ZNF131: variants seen among roughly 807,000 people sequenced by gnomAD.
The protein encoded by ZNF131 is zinc finger protein 131.
A neutral mutation model predicts 60.0 loss-of-function variants in ZNF131; 7 were observed. That is an observed-to-expected ratio of 0.12 (90% CI 0.07 to 0.22). ZNF131 has a LOEUF of 0.22. Ranked by LOEUF, ZNF131 falls within the 10% of genes least tolerant of loss-of-function variation. The pLI is 1.00. For synonymous variants in ZNF131, 257 were observed against 253.2 expected, an observed-to-expected ratio of 1.01 and a Z score of -0.14; for missense variants, 493 against 740.9, an observed-to-expected ratio of 0.67 and a Z score of 3.88.
intron 4 of ZNF131, among the ~76,000 whole-genome samples, chr5:43,159,342 C>T (rs1374701520): frequency 6.6e-6 from 1 of 152,118 alleles, no homozygotes. Flanking sequence ...TGTCTCCCAA[C>T]AGGTGTCGTC....
At chr5:43,147,747 A>C (rs1030749988) in intron 4 of ZNF131, among the ~76,000 whole-genome samples, 2 of 150,650 alleles carry the variant, frequency 1.3e-5, no homozygotes, top group Non-Finnish European at 1.5e-5. Flanking sequence ...AAAAAAAAAA[A>C]CAGTTTGGAA....
intron 4 of ZNF131, among the ~76,000 whole-genome samples, chr5:43,155,735 GGGA>G (rs1212317359): frequency 6.6e-6 from 1 of 152,150 alleles, no homozygotes; most frequent in Admixed American, 6.6e-5. Context: ...TATTTTTGTT[GGGA>G]GGAGGATAGG....
intron 4 of ZNF131, among the ~76,000 whole-genome samples, chr5:43,144,811 A>G (rs1363455916): frequency 6.6e-6 from 1 of 151,924 alleles, no homozygotes; most frequent in African/African-American, 2.4e-5. Context: ...GCCACATAAT[A>G]ACATGATTAT....
At chr5:43,136,063 C>T (rs496570) in intron 3 of ZNF131, among the ~76,000 whole-genome samples, 10,200 of 152,138 alleles carry the variant, frequency 0.067, 405 homozygotes, top group South Asian at 0.13. Context: ...TGCGGTGAGC[C>T]GAGCCTCTGT....
intron 4 of ZNF131, among the ~76,000 whole-genome samples, chr5:43,141,984 T>G (rs1421876058): frequency 6.6e-6 from 1 of 152,022 alleles, no homozygotes; most frequent in Non-Finnish European, 1.5e-5. Flanking sequence ...GTTGACTTTT[T>G]CCCCCATGCA....
At chr5:43,122,277 C>A (rs991459136) in intron 2 of ZNF131, 100 bp downstream of exon 2, 2 of 1,325,894 alleles carry the variant, frequency 1.5e-6, no homozygotes, top group African/African-American at 1.6e-5. Context: ...TTTAACCCAT[C>A]CTCTATGGTC....
At chr5:43,158,820 T>C (rs1749282491) in intron 4 of ZNF131, among the ~76,000 whole-genome samples, 1 of 151,484 alleles carries the variant, frequency 6.6e-6, no homozygotes. Context: ...TGCTCTGTGA[T>C]GCCTCATCCT....
At chr5:43,148,905 T>C (rs1028469990) in intron 4 of ZNF131, among the ~76,000 whole-genome samples, 7 of 152,356 alleles carry the variant, frequency 4.6e-5, no homozygotes, top group Admixed American at 3.3e-4. Flanking sequence ...TCTCTCCCTA[T>C]TCCTATCTTC....
Position 43,138,117 on chromosome 5 carries a change from G to A in ZNF131, c.227-1048G>A, listed in dbSNP as rs1427931957. Reference sequence around the variant, plus strand: ...AGGAAATGGGCAGTTACTAATCAGTGGGCATAAAGTTTCAATTGCGCAAGA... The same window carrying A: ...AGGAAATGGGCAGTTACTAATCAGTAGGCATAAAGTTTCAATTGCGCAAGA... On this transcript the variant is annotated intron_variant, in intron 3 of 6. Transcript: ENST00000682664. 5.3e-5 allele frequency among the ~76,000 whole-genome samples: 8 copies of A among 152,274 alleles called. No individual in the cohort carries two copies. The South Asian group carries it at 1.7e-3, about 32-fold the overall frequency.
chr5:43,129,724 G>A (rs1378953432), intron 3 of ZNF131, among the ~76,000 whole-genome samples: 1 of 151,966 alleles, frequency 6.6e-6, no homozygotes, highest in Admixed American at 6.6e-5. Flanking sequence ...GCACAATCTC[G>A]GCTCACTACA....
In ZNF131 at chr5:43,162,456, G is replaced by A. The variant is rs529071257; in HGVS notation, c.1054+525G>A. On this transcript the variant is annotated intron_variant, in intron 5 of 6. Coordinates refer to ENST00000682664, the MANE Select transcript of ZNF131 (RefSeq NM_001330707.2). ...AAAATACAAAAATTAGCCAGGCGTG[G>A]TGGTGGGCACTCATAGTCCCAGCTA... Among the ~76,000 whole-genome samples the A allele has an allele frequency of 2.0e-5, 3 of 151,984 alleles. No homozygotes were observed. The East Asian group carries it at 5.8e-4, about 29-fold the overall frequency.
At chr5:43,128,682 C>G (rs545258172) in intron 3 of ZNF131, among the ~76,000 whole-genome samples, 1 of 144,032 alleles carries the variant, frequency 6.9e-6, no homozygotes, top group Admixed American at 6.9e-5. Context: ...AAAAAACACA[C>G]CTGGGGTGCT....
intron 5 of ZNF131, among the ~76,000 whole-genome samples, chr5:43,163,429 T>C (rs1234534471): frequency 6.6e-6 from 1 of 152,234 alleles, no homozygotes; most frequent in African/African-American, 2.4e-5. Flanking sequence ...GTCTTTATAC[T>C]TCTCCTGGGA....
At chr5:43,172,976 G>T (rs2112125293) in intron 5 of ZNF131, among the ~76,000 whole-genome samples, 1 of 152,304 alleles carries the variant, frequency 6.6e-6, no homozygotes, top group African/African-American at 2.4e-5. Flanking sequence ...AAAAAATGCA[G>T]AAAGGAAAAT....
In ZNF131 at chr5:43,174,538, A is replaced by G; in HGVS notation, c.1277A>G (p.Asp426Gly). 1 of 1,598,140 alleles carries G rather than the reference A, an allele frequency of 6.3e-7. No homozygotes were observed. Among genetic ancestry groups the G allele is most frequent in the Middle Eastern group, 1.7e-4 (1 of 5,978 alleles). ...AAACCCAACCATTGTACTTTATGTG[A>G]TTTGTGGTTTATGCAAGGAAATGAA... Reference protein sequence around the residue: ...GDKPNHCTLCDLWFMQGNELR... With the variant: ...GDKPNHCTLCGLWFMQGNELR... The change falls in exon 7 of 7, where the codon GAT becomes GGT. Residue 426 changes from aspartate (D) to glycine (G), a missense_variant. Coordinates refer to ENST00000682664, the MANE Select transcript of ZNF131 (RefSeq NM_001330707.2).
At chr5:43,164,659 G>A (rs919395498) in intron 5 of ZNF131, among the ~76,000 whole-genome samples, 2 of 152,032 alleles carry the variant, frequency 1.3e-5, no homozygotes, top group African/African-American at 2.4e-5. Flanking sequence ...AGGACAACAC[G>A]GACCACTTTG....
intron 3 of ZNF131, among the ~76,000 whole-genome samples, chr5:43,127,614 G>C (rs1449931717): frequency 6.6e-6 from 1 of 152,238 alleles, no homozygotes; most frequent in African/African-American, 2.4e-5. Context: ...TATTCTCTGA[G>C]TATAAACTCA....
chr5:43,127,746 T>C (rs1381129120), intron 3 of ZNF131, among the ~76,000 whole-genome samples: 1 of 152,242 alleles, frequency 6.6e-6, no homozygotes, highest in East Asian at 1.9e-4. Flanking sequence ...TTGAAGCTAA[T>C]TGGATCCCAG....
chr5:43,134,825 C>T (rs1388092522), intron 3 of ZNF131, among the ~76,000 whole-genome samples: 1 of 150,374 alleles, frequency 6.7e-6, no homozygotes, highest in Non-Finnish European at 1.5e-5. Flanking sequence ...CTCACCCTCC[C>T]GAGTAGCTGT....
Sources: allele counts gnomAD v4.1 joint callset (sites outside exome capture counted in the v4.1 genomes callset), GRCh38; gene constraint gnomAD v4.1.1; transcripts MANE v1.5; gene names NCBI Gene and HGNC (gene_info 2026-07-23, HGNC 2026-07-21).